The following PEX5L variants were observed in gnomAD, a reference collection of about 807,000 sequenced individuals.
The protein encoded by PEX5L is PEX5-related protein.
PEX5L carries 30 observed loss-of-function variants against 84.0 expected under a neutral mutation model. That is an observed-to-expected ratio of 0.36 (90% CI 0.27 to 0.48). The LOEUF is 0.48. Among genes scored for constraint, PEX5L ranks in the 20% least tolerant of loss-of-function variants. The pLI is 0.99. For synonymous variants in PEX5L, 270 were observed against 283.1 expected (o/e 0.95, Z 0.46); for missense variants, 533 against 754.6 (o/e 0.71, Z 3.44).
At chr3:179,972,368 A>T (rs1277967549) in intron 1 of PEX5L, among the ~76,000 whole-genome samples, 1 of 152,100 alleles carries the variant, frequency 6.6e-6, no homozygotes, top group East Asian at 1.9e-4. Flanking sequence ...AAATCTATAA[A>T]TTCTAAAGTT....
intron 8 of PEX5L, among the ~76,000 whole-genome samples, chr3:179,832,483 A>C (rs1261440818): frequency 9.7e-3 from 759 of 78,114 alleles, no homozygotes; most frequent in African/African-American, 0.011. Flanking sequence ...TACCCACCAA[A>C]TTTCCTACTT....
chr3:180,034,503 A>C (rs559790625), intron 1 of PEX5L, among the ~76,000 whole-genome samples: 72 of 152,268 alleles, frequency 4.7e-4, no homozygotes, highest in African/African-American at 1.6e-3. Context: ...TTGGGGGAAG[A>C]GATATGAGTT....
chr3:179,877,066 A>G (rs1018181093), intron 5 of PEX5L, among the ~76,000 whole-genome samples: 3 of 152,228 alleles, frequency 2.0e-5, no homozygotes, highest in African/African-American at 7.2e-5. Flanking sequence ...ACTGTGACTT[A>G]TCACATGAAG....
At chr3:179,959,387 G>T (rs143486740) in intron 2 of PEX5L, among the ~76,000 whole-genome samples, 1 of 152,132 alleles carries the variant, frequency 6.6e-6, no homozygotes. Flanking sequence ...ACTGCAGCAC[G>T]GGCACTGTAA....
chr3:179,995,484 G>T lies in PEX5L; in HGVS notation c.22-23819C>A, dbSNP rs936569099. 3.3e-5 allele frequency among the ~76,000 whole-genome samples: 5 copies of T among 152,202 alleles called. No individual in the cohort carries two copies. The East Asian group carries it at 9.7e-4, about 29-fold the overall frequency. On this transcript the variant is annotated intron_variant, in intron 1 of 14. Transcript: ENST00000467460. ...TAGTGTGAAATGTTTAGAGAGTTAT[G>T]CAAAATAAATGCATTTGACACTCCT... is the stretch of plus-strand genomic sequence containing the variant.
intron 5 of PEX5L, 48 bp from the exon 6 acceptor site, chr3:179,875,525 G>C: frequency 1.6e-6 from 2 of 1,258,324 alleles, no homozygotes; most frequent in Non-Finnish European, 2.2e-6. Flanking sequence ...GCAGGGCGGG[G>C]TAGGGGGAGC....
intron 7 of PEX5L, among the ~76,000 whole-genome samples, chr3:179,862,797 T>A (rs1052803666): frequency 6.6e-6 from 1 of 152,188 alleles, no homozygotes; most frequent in Non-Finnish European, 1.5e-5. Context: ...CCAATTCTTA[T>A]CAAAATTCCC....
intron 8 of PEX5L, among the ~76,000 whole-genome samples, chr3:179,840,186 T>G (rs868174438): frequency 0.031 from 3,095 of 98,334 alleles, 67 homozygotes; most frequent in African/African-American, 0.083. Flanking sequence ...TGTGTGTGTT[T>G]TTTTTTTTTT....
intron 1 of PEX5L, chr3:179,973,155 G>A (rs1377228177): frequency 2.3e-6 from 3 of 1,286,614 alleles, no homozygotes; most frequent in South Asian, 1.2e-5. Flanking sequence ...ATCTGTATAC[G>A]TACCAAGTAG....
chr3:179,846,797 C>T (rs1439385306), intron 8 of PEX5L, among the ~76,000 whole-genome samples: 1 of 152,100 alleles, frequency 6.6e-6, no homozygotes, highest in African/African-American at 2.4e-5. Context: ...ATCAGCTCTC[C>T]TGGTCCTCAG....
At chr3:179,885,203 T>C (rs1272397985) in intron 4 of PEX5L, among the ~76,000 whole-genome samples, 6 of 152,112 alleles carry the variant, frequency 3.9e-5, no homozygotes, top group African/African-American at 1.2e-4. Flanking sequence ...GAGAGTATTA[T>C]GGATTGAGTG....
intron 5 of PEX5L, among the ~76,000 whole-genome samples, chr3:179,876,122 G>A (rs561438771): frequency 6.6e-6 from 1 of 152,272 alleles, no homozygotes; most frequent in Non-Finnish European, 1.5e-5. Context: ...TAAAAAATCT[G>A]GCTGGATTCT....
intron 1 of PEX5L, among the ~76,000 whole-genome samples, chr3:180,009,082 T>TA (rs2110458455): frequency 6.6e-6 from 1 of 152,316 alleles, no homozygotes; most frequent in Non-Finnish European, 1.5e-5. Flanking sequence ...AGGCCAGTTT[T>TA]AAAAAAACTT....
chr3:179,829,028 T>C (rs186109822), intron 8 of PEX5L, among the ~76,000 whole-genome samples: 2 of 152,336 alleles, frequency 1.3e-5, no homozygotes, highest in East Asian at 1.9e-4. Context: ...TCATTTGACA[T>C]ATTCATCTTC....
At chr3:179,971,809 C>T (rs111228011) in intron 1 of PEX5L, 144 bp from the exon 2 acceptor site, 4 of 798,092 alleles carry the variant, frequency 5.0e-6, no homozygotes, top group African/African-American at 1.8e-5. Context: ...TCATGTACAA[C>T]AGCAAATGTT....
Position 179,875,375 on chromosome 3 carries a change from G to T in PEX5L, c.608C>A (p.Thr203Asn), listed in dbSNP as rs141772500. Reference sequence around the variant, plus strand: ...TTACCATAAGAGCTCTTTTGATCCAGTTCTAGATGAGGATGATTTTCTCTC... The same window carrying T: ...TTACCATAAGAGCTCTTTTGATCCATTTCTAGATGAGGATGATTTTCTCTC... ...MAERKSSSSR[T>N]GSKELLWSSE... The change falls in exon 6 of 15, where the codon ACT (threonine) becomes AAT (asparagine). Residue 203 changes from threonine (T) to asparagine (N), a missense_variant. Physicochemically the swap from Thr to Asn is moderately conservative, Grantham distance 65. Transcript: ENST00000467460. 112 of 1,613,706 alleles carry T rather than the reference G, an allele frequency of 6.9e-5. No homozygotes were observed. In the Admixed American group the frequency reaches 8.2e-4, roughly 12 times the overall value.
At chr3:179,933,047 C>T (rs1773544945) in intron 2 of PEX5L, among the ~76,000 whole-genome samples, 1 of 152,206 alleles carries the variant, frequency 6.6e-6, no homozygotes, top group Non-Finnish European at 1.5e-5. Context: ...TAACCACCAT[C>T]CTGCTCTCTG....
intron 7 of PEX5L, among the ~76,000 whole-genome samples, chr3:179,869,222 A>T (rs1273488493): frequency 2.0e-5 from 3 of 152,174 alleles, no homozygotes; most frequent in Non-Finnish European, 2.9e-5. Context: ...CAAGTGTCCA[A>T]ATCCAAAAAG....
chr3:179,873,814 T>C (rs1751195996), intron 7 of PEX5L, among the ~76,000 whole-genome samples: 1 of 152,216 alleles, frequency 6.6e-6, no homozygotes, highest in South Asian at 2.1e-4. Context: ...TGATACTTAG[T>C]AGCACTCATA....
Sources: gnomAD v4.1 joint callset for allele counts (sites outside exome capture counted in the v4.1 genomes callset) on GRCh38, gnomAD v4.1.1 for gene constraint, MANE v1.5 for transcripts, NCBI Gene and HGNC (gene_info 2026-07-23, HGNC 2026-07-21) for gene names.